The following DNAH12 variants were observed in gnomAD, a reference collection of about 807,000 sequenced individuals.
The protein encoded by DNAH12 is dynein axonemal heavy chain 12, also known as axonemal beta dynein heavy chain 12.
A neutral mutation model predicts 371.5 loss-of-function variants in DNAH12; 285 were observed. The ratio of observed to expected loss-of-function variants is 0.77; its 90% CI spans 0.70 to 0.85. The LOEUF (loss-of-function observed/expected upper bound fraction) is 0.85, where lower values mean the gene tolerates loss of function less well. DNAH12 is among the 40% of genes least tolerant of loss of function. DNAH12 has a pLI of 0.00. For missense variants in DNAH12, 3,611 were observed against 3,689.4 expected, an observed-to-expected ratio of 0.98 and a Z score of 0.55; for synonymous variants, 1,200 against 1,213.0, an observed-to-expected ratio of 0.99 and a Z score of 0.22.
intron 2 of DNAH12, chr3:57,530,596 C>G (rs2068806689): frequency 1.6e-6 from 1 of 621,638 alleles, no homozygotes; most frequent in Non-Finnish European, 3.0e-6. Context: ...AGCTTGGCCC[C>G]CTTCTTGCAG....
chr3:57,493,396 A>G (rs933012883), intron 11 of DNAH12, among the ~76,000 whole-genome samples: 2 of 152,224 alleles, frequency 1.3e-5, no homozygotes, highest in Non-Finnish European at 2.9e-5. Context: ...AGTATACTGG[A>G]GGATGTGCAT....
At chr3:57,443,944 C>A (rs1349329864) in intron 29 of DNAH12, among the ~76,000 whole-genome samples, 1 of 152,126 alleles carries the variant, frequency 6.6e-6, no homozygotes, top group Non-Finnish European at 1.5e-5. Context: ...TGGCTCACAC[C>A]TGTGATCCCA....
At chr3:57,420,150 C>A (rs2064521917) in intron 36 of DNAH12, among the ~76,000 whole-genome samples, 1 of 152,192 alleles carries the variant, frequency 6.6e-6, no homozygotes, top group African/African-American at 2.4e-5. Context: ...GGCTAAATAA[C>A]TGCTGTCCTG....
intron 23 of DNAH12, 143 bp from the exon 24 acceptor site, chr3:57,453,546 C>T: frequency 3.0e-6 from 2 of 660,186 alleles, no homozygotes; most frequent in Non-Finnish European, 4.5e-6. Flanking sequence ...GTGGCTCATG[C>T]CTAAAATCCC....
chr3:57,501,305 C>T lies in DNAH12; in HGVS notation c.1335+16G>A. On this transcript the variant is annotated intron_variant, in intron 11 of 73. Coordinates refer to ENST00000495027, the MANE Select transcript of DNAH12 (RefSeq NM_001366028.2). ...AAAATTCAAAACGCATTAATAAAAA[C>T]AGAATTACCGCTTACCTCTGTATAT... 1 of 1,589,366 alleles carries T rather than the reference C, an allele frequency of 6.3e-7. No homozygotes were observed. The highest frequency in any genetic ancestry group is 8.6e-7 in the Non-Finnish European group (1 of 1,168,038).
chr3:57,374,405 T>C (rs2063238958), intron 55 of DNAH12, among the ~76,000 whole-genome samples: 1 of 152,176 alleles, frequency 6.6e-6, no homozygotes, highest in Non-Finnish European at 1.5e-5. Flanking sequence ...TGTCACTACA[T>C]AACCATTATA....
At chr3:57,510,670 C>G in intron 5 of DNAH12, 120 bp downstream of exon 5, 1 of 871,688 alleles carries the variant, frequency 1.1e-6, no homozygotes, top group Non-Finnish European at 1.7e-6. Flanking sequence ...AAGAAAAAAA[C>G]CAGATATAGT....
At chr3:57,351,580 A>T (rs780760760) in intron 60 of DNAH12, among the ~76,000 whole-genome samples, 65 of 152,206 alleles carry the variant, frequency 4.3e-4, no homozygotes, top group Non-Finnish European at 7.5e-4. Context: ...AAAGCAGTCA[A>T]AACAAATGAA....
intron 60 of DNAH12, among the ~76,000 whole-genome samples, chr3:57,342,866 A>G: frequency 6.6e-6 from 1 of 152,020 alleles, no homozygotes; most frequent in East Asian, 1.9e-4. Context: ...TTAGCCCAGG[A>G]GTGCGTGACT....
In DNAH12 at chr3:57,296,449, C is replaced by G. The variant is rs2061234755; in HGVS notation, c.11533-14G>C. 6.5e-7 allele frequency: 1 copy of G among 1,532,130 alleles called. No homozygotes were observed. Among genetic ancestry groups the G allele is most frequent in the Admixed American group, 2.0e-5 (1 of 50,780 alleles). 94.9% of individuals were successfully genotyped at this position (1,532,130 alleles called of 1,614,324 possible). On this transcript the variant is annotated splice_polypyrimidine_tract_variant and intron_variant, in intron 71 of 73. Transcript: ENST00000495027. ...AGATGGGATAACCTGAAGGGATAGG[C>G]ACACACTAGCAGTGATCCTCTCCAG...
intron 65 of DNAH12, among the ~76,000 whole-genome samples, chr3:57,321,292 T>G (rs2061799669): frequency 6.6e-6 from 1 of 152,140 alleles, no homozygotes; most frequent in Non-Finnish European, 1.5e-5. Context: ...GGCGCAGAAC[T>G]AGGGTACACA....
intron 57 of DNAH12, among the ~76,000 whole-genome samples, chr3:57,364,916 T>A (rs2063014399): frequency 6.6e-6 from 1 of 152,228 alleles, no homozygotes; most frequent in African/African-American, 2.4e-5. Context: ...CACAATGAGA[T>A]ACCATCTTAT....
chr3:57,343,981 C>A (rs1396412296), intron 60 of DNAH12, among the ~76,000 whole-genome samples: 2 of 152,120 alleles, frequency 1.3e-5, no homozygotes, highest in Non-Finnish European at 2.9e-5. Flanking sequence ...CTTATTATCA[C>A]CCTGTTCTCC....
rs58958877 is a variant in DNAH12, at chr3:57,450,250, T to TAAAAAAAAAAAA, written c.3786+2581_3786+2592dup. Reference sequence around the variant, plus strand: ...GTGACAGAGTGAGACTGTCTCAATTTAAAAAAAAAAAAAGGTGGCCCAGTG... The same window carrying TAAAAAAAAAAAA: ...GTGACAGAGTGAGACTGTCTCAATTTAAAAAAAAAAAAAAAAAAAAAAAAAGGTGGCCCAGTG... On this transcript the variant is annotated intron_variant, in intron 25 of 73. Coordinates refer to ENST00000495027, the MANE Select transcript of DNAH12 (RefSeq NM_001366028.2). Among the ~76,000 whole-genome samples the TAAAAAAAAAAAA allele has an allele frequency of 4.5e-4, 44 of 98,584 alleles. 2 individuals are homozygous for TAAAAAAAAAAAA. The highest frequency in any genetic ancestry group is 7.2e-4 in the Non-Finnish European group (37 of 51,178). 64.7% of individuals were successfully genotyped at this position (98,584 alleles called of 152,430 possible). A position where few individuals can be genotyped will look rare whatever the true frequency, so the allele number is the denominator to read the frequency against.
intron 66 of DNAH12, among the ~76,000 whole-genome samples, chr3:57,311,614 G>C (rs2061586030): frequency 6.6e-6 from 1 of 152,194 alleles, no homozygotes; most frequent in Admixed American, 6.5e-5. Flanking sequence ...CAACTGTGGT[G>C]GGGGCTGGGG....
chr3:57,363,043 G>A (rs1481161785), intron 58 of DNAH12, among the ~76,000 whole-genome samples: 4 of 152,150 alleles, frequency 2.6e-5, no homozygotes, highest in Non-Finnish European at 5.9e-5. Flanking sequence ...ATTAATTTTT[G>A]TATAAGGTAT....
At position 57,523,793 on chromosome 3, in the gene DNAH12, A is replaced by G. The variant is rs778249428; in HGVS notation, c.252+10T>C. On this transcript the variant is annotated intron_variant, in intron 3 of 73. Transcript: ENST00000495027. ...AGGATAAACTTTTTAACGAGAAAAC[A>G]TAAACTTACAGTTTGAGGATAATCA... is the stretch of plus-strand genomic sequence containing the variant. The G allele has an allele frequency of 1.3e-6, 2 of 1,588,912 alleles. No homozygotes were observed. Among genetic ancestry groups the G allele is most frequent in the Admixed American group, 3.7e-5 (2 of 54,162 alleles).
chr3:57,532,380 A>G (rs921162424), intron 2 of DNAH12, among the ~76,000 whole-genome samples: 2 of 151,840 alleles, frequency 1.3e-5, no homozygotes, highest in Non-Finnish European at 2.9e-5. Flanking sequence ...GTTTTTCTGG[A>G]TGGTGTTGAT....
At chr3:57,555,718 C>G in the DNAH12 span, among the ~76,000 whole-genome samples, 1 of 152,224 alleles carries the variant, frequency 6.6e-6, no homozygotes, top group African/African-American at 2.4e-5. Flanking sequence ...TAGCGTTTCT[C>G]GCATAGTCTG....
Sources: gnomAD v4.1 joint callset for allele counts (sites outside exome capture counted in the v4.1 genomes callset) on GRCh38, gnomAD v4.1.1 for gene constraint, MANE v1.5 for transcripts, NCBI Gene and HGNC (gene_info 2026-07-23, HGNC 2026-07-21) for gene names.